The following RAPGEF6 variants were observed in gnomAD, a reference collection of about 807,000 sequenced individuals.
The protein encoded by RAPGEF6 is PDZ domain containing guanine nucleotide exchange factor (GEF) 2.
In RAPGEF6, 56 loss-of-function variants were observed where a neutral mutation model predicts 171.4. That is an observed-to-expected ratio of 0.33 (90% CI 0.26 to 0.41). The LOEUF (loss-of-function observed/expected upper bound fraction) is 0.41. Among genes scored for constraint, RAPGEF6 ranks in the 10% least tolerant of loss-of-function variants. The probability of loss-of-function intolerance (pLI) is 1.00; values close to 1 mark genes in which losing one functional copy is unlikely to be tolerated. For synonymous variants in RAPGEF6, 692 were observed against 650.1 expected (o/e 1.06, Z -0.98); for missense variants, 1,674 against 1,921.4 (o/e 0.87, Z 2.41).
At chr5:131,597,271 A>C (rs1763956898) in intron 3 of RAPGEF6, among the ~76,000 whole-genome samples, 1 of 152,094 alleles carries the variant, frequency 6.6e-6, no homozygotes, top group African/African-American at 2.4e-5. Context: ...GTTGGTGGGA[A>C]CGTAAATTAG....
At chr5:131,478,224 T>C (rs1027337352) in intron 16 of RAPGEF6, among the ~76,000 whole-genome samples, 7 of 152,144 alleles carry the variant, frequency 4.6e-5, no homozygotes, top group African/African-American at 7.2e-5. Flanking sequence ...GGATATCTGA[T>C]TGGAAAAACT....
intron 1 of RAPGEF6, among the ~76,000 whole-genome samples, chr5:131,606,671 T>C (rs1271476735): frequency 6.6e-6 from 1 of 152,190 alleles, no homozygotes; most frequent in Non-Finnish European, 1.5e-5. Flanking sequence ...AAACCTGGAA[T>C]CTATGTGCCC....
chr5:131,459,880 CTCTTTA>C (rs1205953214), intron 19 of RAPGEF6, among the ~76,000 whole-genome samples: 2 of 152,040 alleles, frequency 1.3e-5, no homozygotes, highest in African/African-American at 4.8e-5. Flanking sequence ...TCGCTGTGTA[CTCTTTA>C]TCTTTAAAAT....
At chr5:131,521,891 A>T (rs112423855) in intron 6 of RAPGEF6, among the ~76,000 whole-genome samples, 18,352 of 123,244 alleles carry the variant, frequency 0.15, 2,842 homozygotes, top group African/African-American at 0.4. Flanking sequence ...ACACACACAC[A>T]CTCTCTCTCT....
At chr5:131,440,198 T>A (rs941739325) in intron 23 of RAPGEF6, 5 of 456,350 alleles carry the variant, frequency 1.1e-5, no homozygotes, top group African/African-American at 2.0e-5. Context: ...GGGCTGCCAG[T>A]CCAGCCCTTT....
At chr5:131,462,172 TC>T in intron 18 of RAPGEF6, 84 bp from the exon 19 acceptor site, 6 of 1,107,916 alleles carry the variant, frequency 5.4e-6, no homozygotes, top group Non-Finnish European at 7.2e-6. Context: ...TTGTAAAATA[TC>T]ATTTTACTGT....
At position 131,505,398 on chromosome 5, in the gene RAPGEF6, T is replaced by G. The variant is rs913572164; in HGVS notation, c.1067A>C (p.His356Pro). The change falls in exon 10 of 28, where the codon CAT becomes CCT. Residue 356 changes from histidine (H) to proline (P), a missense_variant. By Grantham distance (77) the His-to-Pro change is moderately conservative (BLOSUM62 -2). Around this residue, in one of 3 missense-constraint regions of RAPGEF6, gnomAD observed 1,116 missense variants for 1,321.5 expected, o/e 0.84. Transcript: ENST00000509018. Reference sequence around the variant, plus strand: ...ATCTACTTTAGTCCTGACAATTCCATGCATGTACTGCTTATCCAGAGTGGG... The same window carrying G: ...ATCTACTTTAGTCCTGACAATTCCAGGCATGTACTGCTTATCCAGAGTGGG... The part of the protein sequence containing the change: ...ITPTLDKQYM[H>P]GIVRTKVDDC... 1 of 1,613,702 alleles carries G rather than the reference T, an allele frequency of 6.2e-7. No individual in the cohort carries two copies. The highest frequency in any genetic ancestry group is 8.5e-7 in the Non-Finnish European group (1 of 1,179,772).
At chr5:131,439,826 A>G in intron 23 of RAPGEF6, 111 bp from the exon 24 acceptor site, 2 of 1,461,640 alleles carry the variant, frequency 1.4e-6, no homozygotes, top group South Asian at 2.8e-5. Flanking sequence ...TAGTGTAGTC[A>G]ACTGAAATGT....
In RAPGEF6 at chr5:131,429,202, A is replaced by G. The variant is rs1751551359; in HGVS notation, c.4480T>C (p.Ser1494Pro). 3 of 1,607,738 alleles carry G rather than the reference A, an allele frequency of 1.9e-6. No individual in the cohort carries two copies. In the East Asian group the frequency reaches 6.7e-5, roughly 36 times the overall value. The part of the protein sequence containing the change: ...EKGLIVYCVT[S>P]PKKDDRYREP... ...CTATACCTATCGTCCTTCTTGGGTGAGGTGACACAGTACACTGGCATGAAA... is the reference window on the plus strand; with the variant it reads ...CTATACCTATCGTCCTTCTTGGGTGGGGTGACACAGTACACTGGCATGAAA... Residue 1494 changes from serine (S) to proline (P), a missense_variant, in exon 27 of 28, where the codon TCA becomes CCA. Ser to Pro is a moderately conservative substitution (Grantham distance 74). Around this residue, in one of 3 missense-constraint regions of RAPGEF6, gnomAD observed 552 missense variants for 574.2 expected, o/e 0.96. Transcript: ENST00000509018.
At chr5:131,615,291 T>C (rs143292798) in intron 1 of RAPGEF6, among the ~76,000 whole-genome samples, 83 of 152,338 alleles carry the variant, frequency 5.4e-4, no homozygotes, top group Non-Finnish European at 9.3e-4. Flanking sequence ...AGTGGTGAGC[T>C]GATTAATTCT....
chr5:131,615,709 G>T (rs1765222963), intron 1 of RAPGEF6, among the ~76,000 whole-genome samples: 1 of 152,086 alleles, frequency 6.6e-6, no homozygotes, highest in African/African-American at 2.4e-5. Context: ...CGACCAGCCT[G>T]GCCAACATGG....
At chr5:131,458,943 G>A (rs1043966632) in intron 19 of RAPGEF6, among the ~76,000 whole-genome samples, 3 of 152,240 alleles carry the variant, frequency 2.0e-5, no homozygotes, top group African/African-American at 4.8e-5. Flanking sequence ...GTGAGCCACC[G>A]CGCCCAGACA....
intron 3 of RAPGEF6, among the ~76,000 whole-genome samples, chr5:131,594,144 C>T: frequency 6.6e-6 from 1 of 152,220 alleles, no homozygotes; most frequent in East Asian, 1.9e-4. Context: ...TCTGTGTAGC[C>T]TCAGGACATG....
chr5:131,606,582 T>C lies in RAPGEF6; in HGVS notation c.70-1889A>G, dbSNP rs565838553. On this transcript the variant is annotated intron_variant, in intron 1 of 27. Transcript: ENST00000509018. ...CAGATGAAGCACTGATATGGTAAAC[T>C]GTATTTCCAAAGATGGCCACAGAGG... Among the ~76,000 whole-genome samples, 5 of 152,322 alleles carry C rather than the reference T, an allele frequency of 3.3e-5. No homozygotes were observed. The South Asian group carries it at 1.0e-3, about 32-fold the overall frequency.
At chr5:131,548,655 T>C (rs896165644) in intron 5 of RAPGEF6, among the ~76,000 whole-genome samples, 1 of 152,234 alleles carries the variant, frequency 6.6e-6, no homozygotes, top group Middle Eastern at 3.2e-3. Flanking sequence ...CAGCCACAAG[T>C]AAGGCTGGCA....
At chr5:131,501,205 A>G (rs974038003) in intron 11 of RAPGEF6, among the ~76,000 whole-genome samples, 1 of 152,066 alleles carries the variant, frequency 6.6e-6, no homozygotes, top group Non-Finnish European at 1.5e-5. Context: ...GAGTGATGGC[A>G]TGCACCTGTA....
Position 131,430,948 on chromosome 5 carries a change from G to A in RAPGEF6, c.4376C>T (p.Pro1459Leu). 6.2e-7 allele frequency: 1 copy of A among 1,614,110 alleles called. No individual in the cohort carries two copies. Among genetic ancestry groups the A allele is most frequent in the Non-Finnish European group, 8.5e-7 (1 of 1,179,982 alleles). Residue 1459 changes from proline to leucine, a missense_variant, in exon 26 of 28, where the codon CCA becomes CTA. By Grantham distance (98) the Pro-to-Leu change is moderately conservative. This residue lies in a region of RAPGEF6 where 552 missense variants were observed against 574.2 expected (regional missense o/e 0.96). Coordinates refer to ENST00000509018, the MANE Select transcript of RAPGEF6 (RefSeq NM_016340.6). ...GTCCAAGCCTTCAGATGACTCAGCT[G>A]GGGTGCTCTCCAATACTCTCTGTTT... is the stretch of plus-strand genomic sequence containing the variant. The part of the protein sequence containing the change: ...TVKQRVLEST[P>L]AESSEGLDPK...
Position 131,505,348 on chromosome 5 carries a change from A to C in RAPGEF6, c.1101+16T>G, listed in dbSNP as rs565898421. The C allele has an allele frequency of 1.9e-6, 3 of 1,612,594 alleles. No homozygotes were observed. In the South Asian group the frequency reaches 3.3e-5, roughly 18 times the overall value. The stretch of plus-strand genomic sequence containing the variant: ...AACCAACAGACAAGAAGACTTGACC[A>C]AAGAGATAATCTTACCTGACAATCA... On this transcript the variant is annotated intron_variant, in intron 10 of 27. Transcript: ENST00000509018.
At chr5:131,555,331 C>T (rs188099970) in intron 5 of RAPGEF6, among the ~76,000 whole-genome samples, 54 of 152,146 alleles carry the variant, frequency 3.5e-4, no homozygotes, top group Non-Finnish European at 6.3e-4. Flanking sequence ...ACTTGGATAT[C>T]GCTGCTTCTA....
Sources: allele counts gnomAD v4.1 joint callset (sites outside exome capture counted in the v4.1 genomes callset), GRCh38; gene constraint gnomAD v4.1.1; regional missense constraint gnomAD v4.1.1; transcripts MANE v1.5; gene names NCBI Gene and HGNC (gene_info 2026-07-23, HGNC 2026-07-21).